Variants in ATAD1 observed in about 807,000 individuals in gnomAD.
ATAD1 encodes ATPase family AAA domain containing 1.
ATAD1 carries 18 observed loss-of-function variants against 42.7 expected under a neutral mutation model. That is an observed-to-expected ratio of 0.42 (90% CI 0.29 to 0.63). The LOEUF (loss-of-function observed/expected upper bound fraction) is 0.63, where lower values mean the gene tolerates loss of function less well. Among genes scored for constraint, ATAD1 ranks in the 20% least tolerant of loss-of-function variants. ATAD1 has a pLI of 0.19. For synonymous variants in ATAD1, 132 were observed against 143.1 expected, an observed-to-expected ratio of 0.92 and a Z score of 0.55; for missense variants, 294 against 440.4, an observed-to-expected ratio of 0.67 and a Z score of 2.98.
rs576585411 is a variant in ATAD1, at chr10:87,752,796, C to T, written c.*1891G>A. 30 of 152,260 alleles carry T rather than the reference C, an allele frequency of 2.0e-4. No homozygotes were observed. The highest frequency in any genetic ancestry group is 6.5e-4 in the African/African-American group (27 of 41,548). 9.4% of individuals were successfully genotyped at this position (152,260 alleles called of 1,614,324 possible). On this transcript the variant is annotated 3_prime_UTR_variant, in exon 10 of 10. Coordinates refer to ENST00000680024, the MANE Select transcript of ATAD1 (RefSeq NM_001321967.2). ...TAGTTGCTGGGATTAGTATACTTCTCTAACTTCATTTGATGATTAAAACCA... is the reference window on the plus strand; with the variant it reads ...TAGTTGCTGGGATTAGTATACTTCTTTAACTTCATTTGATGATTAAAACCA...
At chr10:87,798,191 T>C (rs1856491271) in intron 2 of ATAD1, among the ~76,000 whole-genome samples, 1 of 152,138 alleles carries the variant, frequency 6.6e-6, no homozygotes, top group African/African-American at 2.4e-5. Context: ...AACAACTCAG[T>C]GGTGACACAC....
rs186629378 is a variant in ATAD1 at position 87,807,573 on chromosome 10, C to T, written c.162+6865G>A. On this transcript the variant is annotated intron_variant, in intron 2 of 9. Coordinates refer to ENST00000680024, the MANE Select transcript of ATAD1 (RefSeq NM_001321967.2). ...GTGCATCTTTTCATATGTTTATTGA[C>T]CACTGGAGATTTTTCTTTTTTAATG... Among the ~76,000 whole-genome samples the T allele has an allele frequency of 5.4e-3, 822 of 152,170 alleles. 7 individuals carry two copies. The highest frequency in any genetic ancestry group is 0.019 in the African/African-American group (790 of 41,514).
At chr10:87,795,689 C>CA (rs1242578558) in intron 2 of ATAD1, among the ~76,000 whole-genome samples, 1 of 151,550 alleles carries the variant, frequency 6.6e-6, no homozygotes, top group African/African-American at 2.4e-5. Context: ...ATTATTTTTT[C>CA]AAAAAGATTA....
intron 2 of ATAD1, among the ~76,000 whole-genome samples, chr10:87,805,434 G>A (rs939998241): frequency 3.9e-5 from 6 of 152,130 alleles, no homozygotes; most frequent in African/African-American, 1.4e-4. Flanking sequence ...CCACCAAGTT[G>A]CTGAGTAATG....
chr10:87,766,103 C>T (rs9664653), intron 8 of ATAD1, among the ~76,000 whole-genome samples: 44,632 of 151,822 alleles, frequency 0.29, 6,768 homozygotes, highest in Middle Eastern at 0.31. Context: ...CATGTTGGCA[C>T]GAAGTTCCAT....
At chr10:87,783,949 T>C (rs1007153577) in intron 5 of ATAD1, among the ~76,000 whole-genome samples, 2 of 148,076 alleles carry the variant, frequency 1.4e-5, no homozygotes, top group East Asian at 2.0e-4. Flanking sequence ...AGAAAAAAGA[T>C]AGACTAGAAA....
chr10:87,803,162 C>T (rs1179827967), intron 2 of ATAD1, among the ~76,000 whole-genome samples: 2 of 152,076 alleles, frequency 1.3e-5, no homozygotes, highest in African/African-American at 4.8e-5. Context: ...CCCTTCCTCC[C>T]CGTTTTCTCT....
upstream of ATAD1, among the ~76,000 whole-genome samples, chr10:87,821,996 G>C (rs1857640295): frequency 6.6e-6 from 1 of 152,082 alleles, no homozygotes; most frequent in Non-Finnish European, 1.5e-5. Flanking sequence ...TAACCCAGCT[G>C]GAATACATCA....
At chr10:87,792,630 ATCT>A in intron 3 of ATAD1, 24 bp downstream of exon 3, 28 of 1,493,358 alleles carry the variant, frequency 1.9e-5, no homozygotes, top group Non-Finnish European at 2.3e-5. Context: ...CTCTAAAAAA[ATCT>A]TAAATAAGAT....
At chr10:87,822,801 C>G (rs1857655211), upstream of ATAD1, among the ~76,000 whole-genome samples, 1 of 151,782 alleles carries the variant, frequency 6.6e-6, no homozygotes, top group African/African-American at 2.4e-5. Context: ...ATTGGAATGT[C>G]TGTAACAAAG....
intron 4 of ATAD1, among the ~76,000 whole-genome samples, chr10:87,786,622 G>C (rs1258075534): frequency 6.6e-6 from 1 of 152,128 alleles, no homozygotes; most frequent in Non-Finnish European, 1.5e-5. Context: ...TCTTGACCTG[G>C]GTAGTAGTTA....
intron 1 of ATAD1, among the ~76,000 whole-genome samples, chr10:87,830,163 G>A (rs1233588998): frequency 6.6e-6 from 1 of 152,138 alleles, no homozygotes; most frequent in African/African-American, 2.4e-5. Context: ...ATATACCAGT[G>A]GGAAAGCAAA....
At chr10:87,758,789 T>C (rs757075062) in intron 8 of ATAD1, among the ~76,000 whole-genome samples, 1 of 152,128 alleles carries the variant, frequency 6.6e-6, no homozygotes, top group Non-Finnish European at 1.5e-5. Context: ...TCTGCCCCTG[T>C]AGACATACAT....
intron 5 of ATAD1, among the ~76,000 whole-genome samples, chr10:87,782,698 A>T (rs1013491822): frequency 2.6e-5 from 4 of 152,224 alleles, no homozygotes; most frequent in African/African-American, 9.6e-5. Flanking sequence ...GGTAAATTAA[A>T]AGCAAAAAAT....
intron 1 of ATAD1, 52 bp from the exon 2 acceptor site, chr10:87,814,664 T>C (rs1007080131): frequency 3.0e-6 from 4 of 1,316,260 alleles, no homozygotes; most frequent in African/African-American, 1.5e-5. Flanking sequence ...CTTATTAAAA[T>C]TGTAAGACTA....
At chr10:87,769,053 A>G (rs1854904311) in intron 7 of ATAD1, among the ~76,000 whole-genome samples, 1 of 152,238 alleles carries the variant, frequency 6.6e-6, no homozygotes, top group Non-Finnish European at 1.5e-5. Context: ...TACGGCTGAC[A>G]GAGCAAGACT....
At position 87,751,528 on chromosome 10, in the gene ATAD1, T is replaced by C. The variant is rs1250924649; in HGVS notation, c.*3159A>G. The C allele has an allele frequency of 6.6e-6, 1 of 152,238 alleles. No individual in the cohort carries two copies. Among genetic ancestry groups the C allele is most frequent in the Non-Finnish European group, 1.5e-5 (1 of 68,036 alleles). 9.4% of individuals were successfully genotyped at this position (152,238 alleles called of 1,614,324 possible). Reference sequence around the variant, plus strand: ...TTTAGTCAATTATGTTAGAAGCTCATATTTAATAAGGTTCAAGTTCTCCTC... The same window carrying C: ...TTTAGTCAATTATGTTAGAAGCTCACATTTAATAAGGTTCAAGTTCTCCTC... On this transcript the variant is annotated 3_prime_UTR_variant, in exon 10 of 10. Transcript: ENST00000680024.
At chr10:87,759,834 A>C (rs1027398376) in intron 8 of ATAD1, 2 of 451,532 alleles carry the variant, frequency 4.4e-6, no homozygotes, top group African/African-American at 4.0e-5. Context: ...TGAGGATTAA[A>C]TAAAACAATG....
At chr10:87,838,840 A>G (rs768029761) in intron 1 of ATAD1, among the ~76,000 whole-genome samples, 2 of 152,182 alleles carry the variant, frequency 1.3e-5, no homozygotes, top group Non-Finnish European at 2.9e-5. Flanking sequence ...ATCAGCTGGC[A>G]CCTTGATTCG....
Sources: gnomAD v4.1 joint callset for allele counts (sites outside exome capture counted in the v4.1 genomes callset) on GRCh38, gnomAD v4.1.1 for gene constraint, MANE v1.5 for transcripts, NCBI Gene and HGNC (gene_info 2026-07-23, HGNC 2026-07-21) for gene names.